The following AFAP1L1 variants were observed in gnomAD, a reference collection of about 807,000 sequenced individuals.
AFAP1L1 encodes the protein actin filament associated protein 1 like 1, also known as actin filament-associated protein 1-like 1.
A neutral mutation model predicts 99.8 loss-of-function variants in AFAP1L1; 77 were observed. The observed-to-expected ratio is 0.77, with a 90% CI of 0.64 to 0.93. The LOEUF (loss-of-function observed/expected upper bound fraction) is 0.93. Among genes scored for constraint, AFAP1L1 ranks in the 40% least tolerant of loss-of-function variants. The pLI is 0.00. For missense variants in AFAP1L1, 893 were observed against 996.8 expected (o/e 0.90, Z 1.40); for synonymous variants, 373 against 395.3 (o/e 0.94, Z 0.67).
intron 1 of AFAP1L1, among the ~76,000 whole-genome samples, chr5:149,272,255 A>G (rs1755144907): frequency 6.6e-6 from 1 of 152,192 alleles, no homozygotes; most frequent in Admixed American, 6.5e-5. Flanking sequence ...GTAACTTCAT[A>G]AAAGATCCCC....
intron 1 of AFAP1L1, among the ~76,000 whole-genome samples, chr5:149,290,930 A>C (rs1407467139): frequency 6.6e-6 from 1 of 152,384 alleles, no homozygotes; most frequent in East Asian, 1.9e-4. Flanking sequence ...TCGTGCACTC[A>C]AGGAACTCAG....
intron 6 of AFAP1L1, among the ~76,000 whole-genome samples, chr5:149,306,836 G>C (rs967525487): frequency 6.6e-6 from 1 of 151,968 alleles, no homozygotes; most frequent in Admixed American, 6.6e-5. Flanking sequence ...TCAAATAGCC[G>C]GCTGAAGTGG....
At position 149,314,359 on chromosome 5, in the gene AFAP1L1, G is replaced by A. The variant is rs148544833; in HGVS notation, c.1021-1462G>A. Among the ~76,000 whole-genome samples, 3 of 152,286 alleles carry A rather than the reference G, an allele frequency of 2.0e-5. No homozygotes were observed. In the East Asian group the frequency reaches 5.8e-4, roughly 29 times the overall value. ...AAAGATGTGTAGAGGGGAAGAAGAA[G>A]CAAGCTTGCAGAGTTGAGCTTTCCT... On this transcript the variant is annotated intron_variant, in intron 9 of 18. Transcript: ENST00000296721.
intron 11 of AFAP1L1, 79 bp from the exon 12 acceptor site, chr5:149,317,650 G>A: frequency 6.7e-7 from 1 of 1,498,504 alleles, no homozygotes. Flanking sequence ...CTTCTTTCCA[G>A]CAGACACATG....
rs368804997 is a variant in AFAP1L1, at chr5:149,299,644, C to T, written c.145+7C>T. ...AGCCTGCAGCCCCTTCCAGGTTAGC[C>T]GCCAGCAGCCTGCCTGGAGGAGCTC... On this transcript the variant is annotated splice_region_variant and intron_variant, in intron 2 of 18. Transcript: ENST00000296721. The T allele has an allele frequency of 1.1e-5, 17 of 1,613,920 alleles. No homozygotes were observed. The highest frequency in any genetic ancestry group is 5.0e-5 in the Admixed American group (3 of 59,994).
chr5:149,322,099 T>C (rs1174230087), intron 14 of AFAP1L1, among the ~76,000 whole-genome samples: 2 of 152,254 alleles, frequency 1.3e-5, no homozygotes, highest in African/African-American at 2.4e-5. Context: ...TACATTATTA[T>C]CATATTTAAC....
intron 8 of AFAP1L1, among the ~76,000 whole-genome samples, chr5:149,311,002 G>C (rs1207177919): frequency 6.6e-6 from 1 of 152,194 alleles, no homozygotes; most frequent in Non-Finnish European, 1.5e-5. Context: ...GCGCCTGCCA[G>C]GCAGTGAGTG....
At chr5:149,316,057 C>T (rs1008618214) in intron 10 of AFAP1L1, 94 bp from the exon 11 acceptor site, 24 of 1,582,116 alleles carry the variant, frequency 1.5e-5, no homozygotes, top group Middle Eastern at 3.3e-4. Context: ...AGCTGCAGGC[C>T]CATCCTGTAT....
chr5:149,324,818 T>C (rs1412957626), intron 15 of AFAP1L1, among the ~76,000 whole-genome samples: 1 of 152,196 alleles, frequency 6.6e-6, no homozygotes, highest in Non-Finnish European at 1.5e-5. Flanking sequence ...GATTTCTTCA[T>C]AGAGTTGCTT....
Position 149,271,962 on chromosome 5 carries a change from C to T in AFAP1L1, c.-7C>T. The T allele has an allele frequency of 4.0e-6, 5 of 1,234,816 alleles. No homozygotes were observed. Among genetic ancestry groups the T allele is most frequent in the Non-Finnish European group, 5.1e-6 (5 of 987,506 alleles). The allele number at this position is 1,234,816 out of a possible 1,614,324, so 76.5% of individuals were successfully genotyped here. Reference sequence around the variant, plus strand: ...GCGGCCCGCTCCCCGGGGACCGGGCCGGCGCCATGGACCGAGGCCAGGGTA... The same window carrying T: ...GCGGCCCGCTCCCCGGGGACCGGGCTGGCGCCATGGACCGAGGCCAGGGTA... On this transcript the variant is annotated 5_prime_UTR_variant, in exon 1 of 19. Coordinates refer to ENST00000296721, the MANE Select transcript of AFAP1L1 (RefSeq NM_152406.4).
At chr5:149,300,827 G>T (rs1756180839) in intron 3 of AFAP1L1, among the ~76,000 whole-genome samples, 1 of 152,170 alleles carries the variant, frequency 6.6e-6, no homozygotes. Context: ...AGAGTTTTGG[G>T]GACTCATAGA....
At chr5:149,324,008 T>G (rs936109610) in intron 15 of AFAP1L1, among the ~76,000 whole-genome samples, 1 of 152,244 alleles carries the variant, frequency 6.6e-6, no homozygotes, top group African/African-American at 2.4e-5. Context: ...AAAGTGGAGC[T>G]ACTCTGGTTG....
At chr5:149,283,777 T>A (rs1171162113) in intron 1 of AFAP1L1, among the ~76,000 whole-genome samples, 3 of 151,970 alleles carry the variant, frequency 2.0e-5, no homozygotes, top group Non-Finnish European at 4.4e-5. Context: ...CAAGGGGGAT[T>A]TTTTTTTAGC....
At chr5:149,337,421 T>C (rs2127606174) in intron 18 of AFAP1L1, among the ~76,000 whole-genome samples, 1 of 152,246 alleles carries the variant, frequency 6.6e-6, no homozygotes, top group Non-Finnish European at 1.5e-5. Flanking sequence ...ATTAGAAACA[T>C]AATAAAAGGG....
In AFAP1L1 at chr5:149,322,727, G is replaced by A; in HGVS notation, c.1810+10G>A. ...AAACGCCACGCCTCCAGTGAGTTGT[G>A]TGTGGGCCTCCCCTGCTGACTAGGG... On this transcript the variant is annotated intron_variant, in intron 15 of 18. Transcript: ENST00000296721. 6 of 1,568,306 alleles carry A rather than the reference G, an allele frequency of 3.8e-6. No individual in the cohort carries two copies. The highest frequency in any genetic ancestry group is 5.2e-6 in the Non-Finnish European group (6 of 1,154,724).
chr5:149,313,581 G>A (rs1171812001), intron 9 of AFAP1L1, among the ~76,000 whole-genome samples: 4 of 151,264 alleles, frequency 2.6e-5, no homozygotes, highest in African/African-American at 9.8e-5. Context: ...AGGATCCTGA[G>A]CACCTGCTTG....
chr5:149,327,567 G>A (rs1349610437), intron 15 of AFAP1L1, among the ~76,000 whole-genome samples: 1 of 151,802 alleles, frequency 6.6e-6, no homozygotes, highest in Non-Finnish European at 1.5e-5. Context: ...ATATATTGAT[G>A]GGGCCTCCAA....
chr5:149,307,077 T>C lies in AFAP1L1; in HGVS notation c.536-325T>C, dbSNP rs1756438323. On this transcript the variant is annotated intron_variant, in intron 6 of 18. Transcript: ENST00000296721. ...GCCTGGCGAACATGGTGAAACCCCA[T>C]CTCTACTAAAAATACAAAAATTATC... Among the ~76,000 whole-genome samples the C allele has an allele frequency of 1.3e-5, 2 of 152,062 alleles. 1 individual carries two copies. Among genetic ancestry groups the C allele is most frequent in the South Asian group, 4.1e-4 (2 of 4,824 alleles).
chr5:149,317,260 C>A (rs1756823508), intron 11 of AFAP1L1, among the ~76,000 whole-genome samples: 1 of 152,170 alleles, frequency 6.6e-6, no homozygotes, highest in Non-Finnish European at 1.5e-5. Flanking sequence ...AAATTTAAAT[C>A]TAAAACATTA....
Sources: gnomAD v4.1 joint callset for allele counts (sites outside exome capture counted in the v4.1 genomes callset) on GRCh38, gnomAD v4.1.1 for gene constraint, MANE v1.5 for transcripts, NCBI Gene and HGNC (gene_info 2026-07-23, HGNC 2026-07-21) for gene names.